SLC6A6: variants seen among roughly 807,000 people sequenced by gnomAD.
SLC6A6 encodes sodium- and chloride-dependent taurine transporter.
A neutral mutation model predicts 68.8 loss-of-function variants in SLC6A6; 16 were observed. The observed-to-expected ratio is 0.23, with a 90% confidence interval of 0.16 to 0.35. The LOEUF (loss-of-function observed/expected upper bound fraction) is 0.35. SLC6A6 is among the 10% of genes least tolerant of loss of function. The probability of loss-of-function intolerance (pLI) is 1.00; values close to 1 mark genes in which losing one functional copy is unlikely to be tolerated. For synonymous variants in SLC6A6, 312 were observed against 315.4 expected, an observed-to-expected ratio of 0.99 and a Z score of 0.12; for missense variants, 474 against 802.8, an observed-to-expected ratio of 0.59 and a Z score of 4.95.
intron 2 of SLC6A6, among the ~76,000 whole-genome samples, chr3:14,421,637 A>C (rs543276395): frequency 4.7e-4 from 71 of 152,346 alleles, no homozygotes; most frequent in African/African-American, 1.6e-3. Context: ...ATATATGCAT[A>C]GTAATCGCAT....
At chr3:14,421,466 G>T (rs1699484139) in intron 2 of SLC6A6, among the ~76,000 whole-genome samples, 1 of 152,156 alleles carries the variant, frequency 6.6e-6, no homozygotes, top group Non-Finnish European at 1.5e-5. Context: ...TCCCTTCTCT[G>T]GTTGTGAGGG....
chr3:14,423,582 G>A (rs914837930), intron 2 of SLC6A6, among the ~76,000 whole-genome samples: 1 of 152,106 alleles, frequency 6.6e-6, no homozygotes, highest in Non-Finnish European at 1.5e-5. Flanking sequence ...ACAGCACCTT[G>A]AGACCTCAGG....
intron 2 of SLC6A6, among the ~76,000 whole-genome samples, chr3:14,431,837 CA>C (rs1699732025): frequency 6.6e-6 from 1 of 152,094 alleles, no homozygotes; most frequent in South Asian, 2.1e-4. Context: ...ACATCCTCGT[CA>C]GGGGGAAAAA....
chr3:14,415,706 A>G (rs1699347048), intron 1 of SLC6A6, among the ~76,000 whole-genome samples: 1 of 151,838 alleles, frequency 6.6e-6, no homozygotes. Flanking sequence ...TGAAAAAGAC[A>G]ACAGAACCCC....
In SLC6A6 at chr3:14,425,185, G is replaced by A. The variant is rs893086; in HGVS notation, c.-12+8732G>A. On this transcript the variant is annotated intron_variant, in intron 2 of 14. Coordinates refer to ENST00000622186, the MANE Select transcript of SLC6A6 (RefSeq NM_003043.6). ...GTACCTTCCTTGTGTAATTCACGAC[G>A]ATGACCCATTTTACAGATGATGCAA... Among the ~76,000 whole-genome samples the A allele has an allele frequency of 3.1e-3, 475 of 152,320 alleles. 7 individuals carry two copies. The highest frequency in any genetic ancestry group is 0.011 in the African/African-American group (452 of 41,568).
chr3:14,422,740 A>G (rs761295102), intron 2 of SLC6A6, among the ~76,000 whole-genome samples: 6 of 150,726 alleles, frequency 4.0e-5, no homozygotes, highest in Non-Finnish European at 7.4e-5. Flanking sequence ...CCCTACCCTC[A>G]CTCCTCTTGC....
intron 1 of SLC6A6, among the ~76,000 whole-genome samples, chr3:14,410,619 A>T (rs1185627910): frequency 1.3e-5 from 2 of 152,200 alleles, no homozygotes; most frequent in African/African-American, 4.8e-5. Context: ...GAGCAGGCCT[A>T]GGCTGGAAGG....
chr3:14,445,655 A>C (rs1574939327), intron 3 of SLC6A6, 62 bp from the exon 4 acceptor site: 2 of 1,598,360 alleles, frequency 1.3e-6, no homozygotes, highest in Admixed American at 3.3e-5. Flanking sequence ...AGGGCTTGGG[A>C]GCCTTCTGCG....
intron 2 of SLC6A6, among the ~76,000 whole-genome samples, chr3:14,436,270 A>G (rs2124931607): frequency 6.6e-6 from 1 of 152,218 alleles, no homozygotes; most frequent in South Asian, 2.1e-4. Context: ...GCATGATCAC[A>G]ACTCACTGCA....
chr3:14,434,186 T>G (rs2124928583), intron 2 of SLC6A6, among the ~76,000 whole-genome samples: 1 of 152,314 alleles, frequency 6.6e-6, no homozygotes, highest in East Asian at 1.9e-4. Context: ...AGCTTCTGGG[T>G]TTGAATCCAG....
At chr3:14,475,532 G>A (rs1700856972) in intron 10 of SLC6A6, among the ~76,000 whole-genome samples, 3 of 152,200 alleles carry the variant, frequency 2.0e-5, no homozygotes, top group Non-Finnish European at 2.9e-5. Flanking sequence ...AGGCAAGTGA[G>A]GCTCGGAGAA....
chr3:14,463,335 G>GAAGCCCTTATCT (rs1700537891), intron 6 of SLC6A6, among the ~76,000 whole-genome samples: 1 of 152,220 alleles, frequency 6.6e-6, no homozygotes, highest in Admixed American at 6.5e-5. Flanking sequence ...TAAAACTCAC[G>GAAGCCCTTATCT]AAGCCCTTAG....
chr3:14,489,294 A>G lies in SLC6A6; in HGVS notation c.*4287A>G, dbSNP rs982519166. 4 of 152,502 alleles carry G rather than the reference A, an allele frequency of 2.6e-5. No individual in the cohort carries two copies. The highest frequency in any genetic ancestry group is 5.9e-5 in the Non-Finnish European group (4 of 68,016). 9.4% of individuals were successfully genotyped at this position (152,502 alleles called of 1,614,324 possible). A position where few individuals can be genotyped will look rare whatever the true frequency, so the allele number is the denominator to read the frequency against. On this transcript the variant is annotated 3_prime_UTR_variant, in exon 15 of 15. Coordinates refer to ENST00000622186, the MANE Select transcript of SLC6A6 (RefSeq NM_003043.6). Reference sequence around the variant, plus strand: ...TTAAATTCATCTTTGCTTTTTTTAGAGGAGTTTGTAATCACCTTATAACAT... The same window carrying G: ...TTAAATTCATCTTTGCTTTTTTTAGGGGAGTTTGTAATCACCTTATAACAT...
chr3:14,446,411 C>T (rs369954926), intron 4 of SLC6A6, among the ~76,000 whole-genome samples: 6 of 152,136 alleles, frequency 3.9e-5, no homozygotes, highest in Non-Finnish European at 7.4e-5. Context: ...GGGGACTCCA[C>T]AAGGGGCGGG....
chr3:14,415,480 C>T (rs1383093319), intron 1 of SLC6A6, among the ~76,000 whole-genome samples: 8 of 152,230 alleles, frequency 5.3e-5, no homozygotes, highest in Admixed American at 5.2e-4. Flanking sequence ...CCCACCCTCC[C>T]ATGCCCTCTC....
intron 5 of SLC6A6, among the ~76,000 whole-genome samples, chr3:14,451,918 A>G (rs1329451756): frequency 6.6e-6 from 1 of 152,196 alleles, no homozygotes; most frequent in East Asian, 1.9e-4. Context: ...CTCAAGCTGA[A>G]GCCCAGCCCC....
At chr3:14,426,097 C>T (rs1699590897) in intron 2 of SLC6A6, among the ~76,000 whole-genome samples, 1 of 152,160 alleles carries the variant, frequency 6.6e-6, no homozygotes, top group Admixed American at 6.5e-5. Flanking sequence ...GGATTCTAAT[C>T]CTTGAGTTAA....
chr3:14,441,921 G>A (rs1360650703), intron 2 of SLC6A6, among the ~76,000 whole-genome samples: 2 of 152,258 alleles, frequency 1.3e-5, no homozygotes, highest in East Asian at 1.9e-4. Flanking sequence ...GAGCAAGGCA[G>A]GTGTGGTCCT....
chr3:14,439,437 A>C (rs1178559867), intron 2 of SLC6A6, among the ~76,000 whole-genome samples: 1 of 152,224 alleles, frequency 6.6e-6, no homozygotes, highest in African/African-American at 2.4e-5. Context: ...GTGTGTGTCA[A>C]ATCTGACCAG....
Sources: gnomAD v4.1 joint callset for allele counts (sites outside exome capture counted in the v4.1 genomes callset) on GRCh38, gnomAD v4.1.1 for gene constraint, MANE v1.5 for transcripts, NCBI Gene and HGNC (gene_info 2026-07-23, HGNC 2026-07-21) for gene names.